Variants in PDE4B observed in about 807,000 individuals in gnomAD.
PDE4B encodes the protein phosphodiesterase 4B.
A neutral mutation model predicts 82.2 loss-of-function variants in PDE4B; 20 were observed. The ratio of observed to expected loss-of-function variants is 0.24; its 90% confidence interval spans 0.17 to 0.35. The LOEUF (loss-of-function observed/expected upper bound fraction) is 0.35. Among genes scored for constraint, PDE4B ranks in the 10% least tolerant of loss-of-function variants. PDE4B has a pLI of 1.00. For missense variants in PDE4B, 655 were observed against 907.2 expected (o/e 0.72, Z 3.57); for synonymous variants, 320 against 318.9 (o/e 1.00, Z -0.04).
At chr1:66,330,853 T>C (rs984518324) in intron 7 of PDE4B, 1 of 904,546 alleles carries the variant, frequency 1.1e-6, no homozygotes, top group African/African-American at 1.8e-5. Flanking sequence ...TGTGTAAGTC[T>C]GGCTTGAAAT....
At chr1:66,136,442 C>A (rs1646056607) in intron 3 of PDE4B, among the ~76,000 whole-genome samples, 1 of 152,086 alleles carries the variant, frequency 6.6e-6, no homozygotes, top group Non-Finnish European at 1.5e-5. Context: ...GTGGCTCATG[C>A]CTGTAATCCC....
intron 3 of PDE4B, among the ~76,000 whole-genome samples, chr1:66,197,388 A>G (rs1409543045): frequency 6.6e-6 from 1 of 152,160 alleles, no homozygotes; most frequent in Admixed American, 6.6e-5. Flanking sequence ...CTAAAAGGCA[A>G]AATAACTTAT....
chr1:66,323,047 A>C (rs1039483119), intron 7 of PDE4B, among the ~76,000 whole-genome samples: 3 of 152,102 alleles, frequency 2.0e-5, no homozygotes, highest in Non-Finnish European at 4.4e-5. Context: ...CTTCAAGTTC[A>C]TTCTCCAAAT....
At chr1:66,195,916 A>G (rs1648260150) in intron 3 of PDE4B, among the ~76,000 whole-genome samples, 1 of 151,594 alleles carries the variant, frequency 6.6e-6, no homozygotes. Context: ...ACACAAAGCT[A>G]TAAACCTCCT....
intron 1 of PDE4B, among the ~76,000 whole-genome samples, chr1:65,822,321 T>C (rs1342080387): frequency 1.3e-5 from 2 of 152,228 alleles, no homozygotes; most frequent in Non-Finnish European, 2.9e-5. Flanking sequence ...GGTGATTTTT[T>C]TTGGCCAGGT....
chr1:65,913,500 A>T, intron 2 of PDE4B, 144 bp downstream of exon 2: 1 of 714,310 alleles, frequency 1.4e-6, no homozygotes, highest in East Asian at 2.7e-5. Flanking sequence ...CAGCACCTGG[A>T]CCTGACGTTC....
chr1:66,068,592 A>G (rs751063021), intron 3 of PDE4B, among the ~76,000 whole-genome samples: 10 of 152,000 alleles, frequency 6.6e-5, no homozygotes, highest in Non-Finnish European at 1.2e-4. Context: ...ATAAAATAAT[A>G]TATGCTTTGC....
chr1:66,000,560 A>T (rs1232135480), intron 3 of PDE4B, among the ~76,000 whole-genome samples: 1 of 152,176 alleles, frequency 6.6e-6, no homozygotes, highest in African/African-American at 2.4e-5. Flanking sequence ...TGTCACTGGT[A>T]GTAATTTGTT....
At chr1:66,332,731 ATGTT>A in intron 8 of PDE4B, 111 bp downstream of exon 8, 1 of 813,458 alleles carries the variant, frequency 1.2e-6, no homozygotes, top group Non-Finnish European at 1.9e-6. Flanking sequence ...CTCTAAGAAT[ATGTT>A]TGTTGCTTTG....
chr1:65,979,118 C>G (rs1183949531), intron 3 of PDE4B, among the ~76,000 whole-genome samples: 1 of 152,092 alleles, frequency 6.6e-6, no homozygotes, highest in Admixed American at 6.6e-5. Flanking sequence ...AAATGAAGGT[C>G]CTTATTGGAA....
At chr1:66,210,622 A>G (rs1271884601) in intron 3 of PDE4B, among the ~76,000 whole-genome samples, 1 of 150,682 alleles carries the variant, frequency 6.6e-6, no homozygotes, top group East Asian at 1.9e-4. Flanking sequence ...AAAAAAAAGA[A>G]AAAGGAAAAA....
intron 3 of PDE4B, among the ~76,000 whole-genome samples, chr1:65,943,409 G>T (rs1648547003): frequency 6.6e-6 from 1 of 151,502 alleles, no homozygotes; most frequent in Non-Finnish European, 1.5e-5. Context: ...ATTGCTTTGT[G>T]GTATATTTTG....
chr1:65,874,431 C>A (rs4253893), intron 1 of PDE4B, among the ~76,000 whole-genome samples: 5 of 152,002 alleles, frequency 3.3e-5, no homozygotes, highest in Non-Finnish European at 7.4e-5. Flanking sequence ...CCTAATTGCC[C>A]TGGCCAGAAC....
At chr1:66,152,280 A>G (rs993222738) in intron 3 of PDE4B, 12 of 159,120 alleles carry the variant, frequency 7.5e-5, no homozygotes, top group Non-Finnish European at 1.1e-4. Flanking sequence ...ATCTGGAAGC[A>G]ATTCCCAGTG....
chr1:65,983,204 G>A (rs1249525008), intron 3 of PDE4B, among the ~76,000 whole-genome samples: 1 of 152,132 alleles, frequency 6.6e-6, no homozygotes, highest in Non-Finnish European at 1.5e-5. Context: ...GGATTTATAG[G>A]TTTCCAGATG....
intron 3 of PDE4B, among the ~76,000 whole-genome samples, chr1:66,022,807 A>T (rs1436809044): frequency 6.6e-6 from 1 of 152,118 alleles, no homozygotes; most frequent in East Asian, 1.9e-4. Context: ...TGGTATCAGG[A>T]TGATGCTGGC....
intron 1 of PDE4B, among the ~76,000 whole-genome samples, chr1:65,821,142 A>G (rs1645947311): frequency 6.6e-6 from 1 of 152,176 alleles, no homozygotes; most frequent in Admixed American, 6.5e-5. Context: ...TCTAATGATG[A>G]CTCCAGCTGA....
chr1:66,371,907 A>G (rs1195919839), intron 16 of PDE4B, among the ~76,000 whole-genome samples: 1 of 152,232 alleles, frequency 6.6e-6, no homozygotes, highest in Non-Finnish European at 1.5e-5. Context: ...GTCCCTGGAA[A>G]TCATGAGGAT....
chr1:66,294,873 T>C (rs765372630), intron 7 of PDE4B, among the ~76,000 whole-genome samples: 3 of 152,142 alleles, frequency 2.0e-5, no homozygotes, highest in Non-Finnish European at 4.4e-5. Flanking sequence ...AGATATTGCA[T>C]AGGATGTGTT....
Sources: allele counts gnomAD v4.1 joint callset (sites outside exome capture counted in the v4.1 genomes callset), GRCh38; gene constraint gnomAD v4.1.1; transcripts MANE v1.5; gene names NCBI Gene and HGNC (gene_info 2026-07-23, HGNC 2026-07-21).